Variants in RYR3 observed in about 807,000 individuals in gnomAD.
RYR3 encodes the protein brain ryanodine receptor-calcium release channel.
A neutral mutation model predicts 584.3 loss-of-function variants in RYR3; 207 were observed. That is an observed-to-expected ratio of 0.35 (90% CI 0.32 to 0.40). The LOEUF is 0.40. Among genes scored for constraint, RYR3 ranks in the 10% least tolerant of loss-of-function variants. The pLI, the probability that RYR3 is intolerant of heterozygous loss-of-function variation, is 1.00. For missense variants in RYR3, 5,616 were observed against 6,089.2 expected (o/e 0.92, Z 2.59); for synonymous variants, 2,416 against 2,248.5 (o/e 1.07, Z -2.11).
At chr15:33,454,582 G>A (rs1200321807) in intron 1 of RYR3, among the ~76,000 whole-genome samples, 1 of 152,176 alleles carries the variant, frequency 6.6e-6, no homozygotes, top group Non-Finnish European at 1.5e-5. Context: ...GCAGACAAGC[G>A]AAACAGCGGT....
At chr15:33,780,990 C>G (rs1444709408) in intron 65 of RYR3, among the ~76,000 whole-genome samples, 2 of 152,218 alleles carry the variant, frequency 1.3e-5, no homozygotes, top group Non-Finnish European at 2.9e-5. Flanking sequence ...TACATTTGGT[C>G]TGTGGCTGCT....
chr15:33,685,265 T>G (rs1301836630), intron 38 of RYR3, among the ~76,000 whole-genome samples: 1 of 152,024 alleles, frequency 6.6e-6, no homozygotes, highest in Admixed American at 6.5e-5. Context: ...ACCGAGCAAA[T>G]GGAAAGCAAT....
At chr15:33,685,674 G>T (rs8030838) in intron 38 of RYR3, among the ~76,000 whole-genome samples, 149,606 of 152,328 alleles carry the variant, frequency 0.98, 73,527 homozygotes, top group Middle Eastern at 1. Flanking sequence ...TATTCCAAAA[G>T]TGACCACATA....
intron 99 of RYR3, 138 bp downstream of exon 99, chr15:33,858,052 T>C (rs1461118461): frequency 8.8e-7 from 1 of 1,142,462 alleles, no homozygotes; most frequent in African/African-American, 1.6e-5. Context: ...GAGATTAAAG[T>C]AGAAGACAGA....
At chr15:33,674,441 A>G (rs2064033804) in intron 38 of RYR3, among the ~76,000 whole-genome samples, 1 of 152,174 alleles carries the variant, frequency 6.6e-6, no homozygotes, top group African/African-American at 2.4e-5. Flanking sequence ...TAGTGTATGT[A>G]TGACTTTCCA....
At chr15:33,693,312 C>T (rs57653033) in intron 38 of RYR3, among the ~76,000 whole-genome samples, 1 of 152,234 alleles carries the variant, frequency 6.6e-6, no homozygotes, top group East Asian at 1.9e-4. Flanking sequence ...CGCCACCACT[C>T]CAGCAGCGCC....
chr15:33,864,595 T>G (rs565930939), intron 103 of RYR3, among the ~76,000 whole-genome samples: 1 of 151,322 alleles, frequency 6.6e-6, no homozygotes, highest in African/African-American at 2.4e-5. Flanking sequence ...GAGGTGTGCA[T>G]GTGAGAGGAT....
At chr15:33,822,705 GA>G (rs1232778609) in intron 80 of RYR3, among the ~76,000 whole-genome samples, 8 of 152,232 alleles carry the variant, frequency 5.3e-5, no homozygotes, top group South Asian at 4.1e-4. Flanking sequence ...TTCATAGCAT[GA>G]GCTATTCAGA....
intron 15 of RYR3, among the ~76,000 whole-genome samples, chr15:33,585,208 C>T (rs868196879): frequency 6.6e-6 from 1 of 152,214 alleles, no homozygotes; most frequent in African/African-American, 2.4e-5. Context: ...CATCCACCTA[C>T]ACACGTCTTC....
intron 3 of RYR3, among the ~76,000 whole-genome samples, chr15:33,505,153 A>C (rs1414812287): frequency 6.6e-6 from 1 of 152,342 alleles, no homozygotes; most frequent in Non-Finnish European, 1.5e-5. Context: ...AGAAGAGACA[A>C]TTGACCATAG....
Position 33,612,278 on chromosome 15 carries a change from T to A in RYR3, c.2165-905T>A, listed in dbSNP as rs185544074. 3.2e-3 allele frequency among the ~76,000 whole-genome samples: 489 copies of A among 152,334 alleles called. 5 individuals are homozygous for A. Among genetic ancestry groups the A allele is most frequent in the African/African-American group, 0.011 (454 of 41,586 alleles). On this transcript the variant is annotated intron_variant, in intron 18 of 103. Transcript: ENST00000634891. Reference sequence around the variant, plus strand: ...AAGAAGTTTTTTAATCAATTCAGAGTATAACTGGCAATGTGTTTTCCTGCT... The same window carrying A: ...AAGAAGTTTTTTAATCAATTCAGAGAATAACTGGCAATGTGTTTTCCTGCT...
intron 67 of RYR3, among the ~76,000 whole-genome samples, chr15:33,799,700 A>G (rs1032368850): frequency 2.0e-5 from 3 of 152,246 alleles, no homozygotes; most frequent in African/African-American, 7.2e-5. Context: ...GGTTATAGCC[A>G]GTTGGTCAGA....
chr15:33,602,662 A>G (rs2059719490), intron 17 of RYR3, among the ~76,000 whole-genome samples: 2 of 151,242 alleles, frequency 1.3e-5, no homozygotes, highest in Admixed American at 1.3e-4. Context: ...ATGTTTTGTA[A>G]TGAAAATGTT....
Position 33,313,055 on chromosome 15 carries a change from T to C in RYR3, c.51+1959T>C, listed in dbSNP as rs1000029606. On this transcript the variant is annotated intron_variant, in intron 1 of 103. Transcript: ENST00000634891. Reference sequence around the variant, plus strand: ...GTTGCAGAGAACTGCATACCGGTTATGGCTTAGAGCGAGTGATGGTGGTAA... The same window carrying C: ...GTTGCAGAGAACTGCATACCGGTTACGGCTTAGAGCGAGTGATGGTGGTAA... Among the ~76,000 whole-genome samples the C allele has an allele frequency of 3.3e-5, 5 of 152,204 alleles. 1 individual carries two copies. Among genetic ancestry groups the C allele is most frequent in the African/African-American group, 1.2e-4 (5 of 41,458 alleles).
At chr15:33,713,589 A>G (rs1272726545) in intron 43 of RYR3, among the ~76,000 whole-genome samples, 1 of 152,166 alleles carries the variant, frequency 6.6e-6, no homozygotes, top group Non-Finnish European at 1.5e-5. Flanking sequence ...TGTTCAAAAC[A>G]CTTTTACATA....
chr15:33,810,466 C>A lies in RYR3; in HGVS notation c.10027-13C>A, dbSNP rs1345757695. The A allele has an allele frequency of 6.2e-7, 1 of 1,613,664 alleles. No homozygotes were observed. The highest frequency in any genetic ancestry group is 1.1e-5 in the South Asian group (1 of 91,000). Reference sequence around the variant, plus strand: ...CTGAACCCCTCTCTGTTTATTTCAACATCATCTCCTAGTCTGGAGGACAAG... The same window carrying A: ...CTGAACCCCTCTCTGTTTATTTCAAAATCATCTCCTAGTCTGGAGGACAAG... On this transcript the variant is annotated splice_polypyrimidine_tract_variant and intron_variant, in intron 70 of 103. Transcript: ENST00000634891.
Position 33,697,870 on chromosome 15 carries a change from T to A in RYR3, c.6135-12T>A, listed in dbSNP as rs1231651532. The A allele has an allele frequency of 6.4e-7, 1 of 1,554,652 alleles. No individual in the cohort carries two copies. The highest frequency in any genetic ancestry group is 8.9e-7 in the Non-Finnish European group (1 of 1,125,686). On this transcript the variant is annotated splice_polypyrimidine_tract_variant and intron_variant, in intron 39 of 103. Coordinates refer to ENST00000634891, the MANE Select transcript of RYR3 (RefSeq NM_001036.6). The stretch of plus-strand genomic sequence containing the variant: ...AGCAGGTGCTGAAGACTCTCTCTGA[T>A]CCTTATCCTAGAGACATAATGAACA...
At chr15:33,825,927 T>G (rs2077357332) in intron 82 of RYR3, 2 of 495,460 alleles carry the variant, frequency 4.0e-6, no homozygotes, top group South Asian at 4.6e-5. Flanking sequence ...AGAGGCAGCA[T>G]TTCATCATGT....
intron 1 of RYR3, among the ~76,000 whole-genome samples, chr15:33,392,927 G>C (rs1321063408): frequency 6.6e-6 from 1 of 152,234 alleles, no homozygotes; most frequent in Non-Finnish European, 1.5e-5. Flanking sequence ...GTTTTAGGAA[G>C]CCTACAAGGG....
Sources: gnomAD v4.1 joint callset for allele counts (sites outside exome capture counted in the v4.1 genomes callset) on GRCh38, gnomAD v4.1.1 for gene constraint, MANE v1.5 for transcripts, NCBI Gene and HGNC (gene_info 2026-07-23, HGNC 2026-07-21) for gene names.